The following CNTN2 variants were observed in gnomAD, a reference collection of about 807,000 sequenced individuals.
The protein encoded by CNTN2 is contactin 2, also known as contactin-2.
A neutral mutation model predicts 117.5 loss-of-function variants in CNTN2; 53 were observed. The ratio of observed to expected loss-of-function variants is 0.45; its 90% CI spans 0.36 to 0.57. The LOEUF (loss-of-function observed/expected upper bound fraction) is 0.57. CNTN2 is among the 20% of genes least tolerant of loss of function. The pLI is 0.00. For missense variants in CNTN2, 1,106 were observed against 1,404.3 expected (o/e 0.79, Z 3.39); for synonymous variants, 530 against 561.7 (o/e 0.94, Z 0.80).
At chr1:205,046,032 C>T (rs2096441032) in intron 1 of CNTN2, among the ~76,000 whole-genome samples, 1 of 152,174 alleles carries the variant, frequency 6.6e-6, no homozygotes, top group Admixed American at 6.5e-5. Context: ...TGGCCACCCC[C>T]TCATCCTTCA....
chr1:205,061,221 C>T lies in CNTN2; in HGVS notation c.798-24C>T. ...GGGTAGGCCCAGCTCAGCCCACACC[C>T]TCTGGCTTTGTCTCTCCTGCCAGCC... On this transcript the variant is annotated intron_variant, in intron 7 of 22. Transcript: ENST00000331830. The surrounding 1 kb of genome is among the most constrained non-coding windows in gnomAD (Gnocchi z 4.8). 1 of 1,590,528 alleles carries T rather than the reference C, an allele frequency of 6.3e-7. No individual in the cohort carries two copies. Among genetic ancestry groups the T allele is most frequent in the African/African-American group, 1.3e-5 (1 of 74,732 alleles).
chr1:205,062,087 CA>C, intron 9 of CNTN2, 86 bp downstream of exon 9: 1 of 1,505,270 alleles, frequency 6.6e-7, no homozygotes, highest in South Asian at 1.2e-5. Flanking sequence ...TCCCCTGCAC[CA>C]CTAGTAGCCC....
intron 16 of CNTN2, chr1:205,068,637 AT>A (rs781228428): frequency 1.3e-5 from 2 of 152,248 alleles, no homozygotes; most frequent in Non-Finnish European, 2.9e-5. Context: ...TACCTGTGCC[AT>A]GTATTAACTG....
At chr1:205,044,098 C>A (rs554726565) in intron 1 of CNTN2, among the ~76,000 whole-genome samples, 1 of 152,130 alleles carries the variant, frequency 6.6e-6, no homozygotes, top group Non-Finnish European at 1.5e-5. Context: ...TCCCTCCCCC[C>A]CATCCTCACT....
In CNTN2 at chr1:205,059,615, C is replaced by G. The variant is rs746384894; in HGVS notation, c.730C>G (p.Arg244Gly). ...TRLFAPSIKA[R>G]FPAETYALVG... ...GCTCTTTGCACCCAGCATCAAGGCCCGGTTCCCAGCAGAGACCTATGCACT... is the reference window on the plus strand; with the variant it reads ...GCTCTTTGCACCCAGCATCAAGGCCGGGTTCCCAGCAGAGACCTATGCACT... The change falls in exon 7 of 23, where the codon CGG becomes GGG. Residue 244 changes from arginine to glycine, a missense_variant. Transcript: ENST00000331830. This position sits in a 1 kb window ranked among gnomAD's most constrained non-coding sequence, Gnocchi z 5.6. 3.7e-6 allele frequency: 6 copies of G among 1,614,190 alleles called. No homozygotes were observed. The highest frequency in any genetic ancestry group is 2.2e-5 in the East Asian group (1 of 44,866).
At chr1:205,069,657 C>A in intron 17 of CNTN2, 96 bp downstream of exon 17, 1 of 1,458,462 alleles carries the variant, frequency 6.9e-7, no homozygotes, top group South Asian at 1.2e-5. Flanking sequence ...CTGACTCAAA[C>A]GCGGATAACT....
At chr1:205,066,330 C>T (rs374915054) in intron 14 of CNTN2, 111 bp from the exon 15 acceptor site, 2 of 1,336,118 alleles carry the variant, frequency 1.5e-6, no homozygotes, top group African/African-American at 2.9e-5. Flanking sequence ...TCACTGCATC[C>T]TCTGCTGCCC....
At chr1:205,056,884 T>C (rs1234947746) in intron 2 of CNTN2, among the ~76,000 whole-genome samples, 4 of 152,206 alleles carry the variant, frequency 2.6e-5, no homozygotes, top group African/African-American at 7.2e-5. Flanking sequence ...CATTTGCCTG[T>C]GTGGTGCTCA....
chr1:205,069,660 G>A, intron 17 of CNTN2, 99 bp downstream of exon 17: 3 of 1,455,142 alleles, frequency 2.1e-6, no homozygotes. Context: ...ACTCAAACGC[G>A]GATAACTTCC....
In CNTN2 at chr1:205,048,420, G is replaced by C. The variant is rs1450762803; in HGVS notation, c.-86-4680G>C. On this transcript the variant is annotated intron_variant, in intron 1 of 22. Transcript: ENST00000331830. The surrounding 1 kb of genome is among the most constrained non-coding windows in gnomAD (Gnocchi z 4.1). ...ACTGACAATTCAGCCAACTCCCCCT[G>C]GTGCCCCCGAACCCCCCAGTGGTCC... 6.6e-6 allele frequency among the ~76,000 whole-genome samples: 1 copy of C among 151,924 alleles called. No homozygotes were observed. Among genetic ancestry groups the C allele is most frequent in the Non-Finnish European group, 1.5e-5 (1 of 67,962 alleles).
At chr1:205,067,487 T>C in intron 16 of CNTN2, 1 of 420,960 alleles carries the variant, frequency 2.4e-6, no homozygotes, top group Non-Finnish European at 4.2e-6. Context: ...TGCATGTGCA[T>C]CTATAATTTT....
intron 1 of CNTN2, among the ~76,000 whole-genome samples, chr1:205,049,307 C>T (rs2096448104): frequency 6.6e-6 from 1 of 151,194 alleles, no homozygotes; most frequent in Non-Finnish European, 1.5e-5. Context: ...CACACACACA[C>T]ACACACACAC....
At position 205,074,816 on chromosome 1, in the gene CNTN2, G is replaced by A. The variant is rs184885784; in HGVS notation, c.*1051G>A. 1 of 398,646 alleles carries A rather than the reference G, an allele frequency of 2.5e-6. No individual in the cohort carries two copies. Among genetic ancestry groups the A allele is most frequent in the East Asian group, 3.6e-5 (1 of 28,062 alleles). The allele number at this position is 398,646 out of a possible 1,614,324, so 24.7% of individuals were successfully genotyped here. A position where few individuals can be genotyped will look rare whatever the true frequency, so the allele number is the denominator to read the frequency against. ...TGTGTCCTGGTATTGGGAGGTTTCT[G>A]GGAAGGGCAGAGGATAAATGTGGCC... On this transcript the variant is annotated 3_prime_UTR_variant, in exon 23 of 23. Coordinates refer to ENST00000331830, the MANE Select transcript of CNTN2 (RefSeq NM_005076.5).
At chr1:205,072,913 C>A in intron 21 of CNTN2, 155 bp from the exon 22 acceptor site, 1 of 798,722 alleles carries the variant, frequency 1.3e-6, no homozygotes, top group Non-Finnish European at 2.0e-6. Context: ...CTTTCCTCCA[C>A]CAATGAGGAG....
intron 14 of CNTN2, 100 bp from the exon 15 acceptor site, chr1:205,066,339 CCT>C (rs1654288966): frequency 7.2e-7 from 1 of 1,397,962 alleles, no homozygotes; most frequent in Admixed American, 2.0e-5. Flanking sequence ...CCTCTGCTGC[CCT>C]GTCTTGGTAC....
Position 205,070,526 on chromosome 1 carries a change from C to T in CNTN2, c.2532C>T (p.Leu844=), listed in dbSNP as rs1372274997. 10 of 1,613,238 alleles carry T rather than the reference C, an allele frequency of 6.2e-6. No homozygotes were observed. The highest frequency in any genetic ancestry group is 1.3e-5 in the African/African-American group (1 of 75,032). The change falls in exon 19 of 23, where the codon CTC becomes CTT. Residue 844 remains leucine (L), a synonymous_variant. Coordinates refer to ENST00000331830, the MANE Select transcript of CNTN2 (RefSeq NM_005076.5). ...TGCAGCAGGACATGAATGGTATCCTCCTGGGGTATGAGGTGAGCACCAACC... is the reference window on the plus strand; with the variant it reads ...TGCAGCAGGACATGAATGGTATCCTTCTGGGGTATGAGGTGAGCACCAACC... The part of the protein sequence containing the change: ...EPVQQDMNGI[L]LGYEIRYWKA...
chr1:205,069,402 C>A, intron 16 of CNTN2, 89 bp from the exon 17 acceptor site: 1 of 1,334,356 alleles, frequency 7.5e-7, no homozygotes, highest in Non-Finnish European at 1.0e-6. Flanking sequence ...GGGTTCCCAT[C>A]TTACGGTGCT....
At chr1:205,047,167 C>T (rs1574626559) in intron 1 of CNTN2, among the ~76,000 whole-genome samples, 1 of 152,180 alleles carries the variant, frequency 6.6e-6, no homozygotes, top group African/African-American at 2.4e-5. Context: ...GACGGGGCTG[C>T]ACGACACCCC....
At position 205,076,842 on chromosome 1, in the gene CNTN2, G is replaced by GAAT. The variant is rs1654888115; in HGVS notation, c.*3077_*3078insAAT. 5.3e-5 allele frequency: 8 copies of GAAT among 152,288 alleles called. No homozygotes were observed. The highest frequency in any genetic ancestry group is 5.2e-4 in the Admixed American group (8 of 15,286). 9.4% of individuals were successfully genotyped at this position (152,288 alleles called of 1,614,324 possible). ...GGTCAGGTTATCTGCTTTCATTCAG[G>GAAT]GCAACAAATGATACAAATGGTGCCA... On this transcript the variant is annotated 3_prime_UTR_variant, in exon 23 of 23. Transcript: ENST00000331830.
Sources: allele counts gnomAD v4.1 joint callset (sites outside exome capture counted in the v4.1 genomes callset), GRCh38; gene constraint gnomAD v4.1.1; non-coding constraint Gnocchi (gnomAD v3.1); transcripts MANE v1.5; gene names NCBI Gene and HGNC (gene_info 2026-07-23, HGNC 2026-07-21).